ADAM32: variants seen among roughly 807,000 people sequenced by gnomAD.
ADAM32 encodes the protein disintegrin and metalloproteinase domain-containing protein 32.
In ADAM32, 89 loss-of-function variants were observed where a neutral mutation model predicts 114.9. The observed-to-expected ratio is 0.77, with a 90% CI of 0.65 to 0.92. The LOEUF (loss-of-function observed/expected upper bound fraction) is 0.92, where lower values mean the gene tolerates loss of function less well. Among genes scored for constraint, ADAM32 ranks in the 40% least tolerant of loss-of-function variants. The pLI is 0.00. For missense variants in ADAM32, 870 were observed against 932.8 expected (o/e 0.93, Z 0.88); for synonymous variants, 285 against 307.5 (o/e 0.93, Z 0.77).
chr8:39,260,700 G>T (rs914750523), intron 19 of ADAM32, among the ~76,000 whole-genome samples: 1 of 151,910 alleles, frequency 6.6e-6, no homozygotes, highest in Non-Finnish European at 1.5e-5. Context: ...AAGGATATTG[G>T]CCTATTATTT....
chr8:39,186,423 T>C (rs949659816), intron 10 of ADAM32, among the ~76,000 whole-genome samples: 8 of 152,220 alleles, frequency 5.3e-5, no homozygotes, highest in African/African-American at 1.9e-4. Context: ...CTGTGGCTTC[T>C]TTTCATACCA....
At chr8:39,109,811 A>G (rs1194433000) in intron 1 of ADAM32, among the ~76,000 whole-genome samples, 2 of 152,202 alleles carry the variant, frequency 1.3e-5, no homozygotes, top group Non-Finnish European at 2.9e-5. Flanking sequence ...TGACAAATGT[A>G]CAATGACATG....
Position 39,147,154 on chromosome 8 carries a change from G to T in ADAM32, c.225G>T (p.Met75Ile). The T allele has an allele frequency of 3.1e-6, 3 of 977,456 alleles. No homozygotes were observed. The highest frequency in any genetic ancestry group is 3.5e-5 in the East Asian group (1 of 28,496). The allele number at this position is 977,456 out of a possible 1,614,324, so 60.5% of individuals were successfully genotyped here. Reference sequence around the variant, plus strand: ...GATATTTTTTAGCAGATAATTTTATGATCTATTTGTACAATCAAGGATCTA... The same window carrying T: ...GATATTTTTTAGCAGATAATTTTATTATCTATTTGTACAATCAAGGATCTA... ...KQRYFLADNFMIYLYNQGSMN... is the reference protein window; with the variant it reads ...KQRYFLADNFIIYLYNQGSMN... Residue 75 changes from methionine to isoleucine, a missense_variant, in exon 4 of 25, where the codon ATG becomes ATT. Coordinates refer to ENST00000379907, the MANE Select transcript of ADAM32 (RefSeq NM_145004.7).
At chr8:39,239,543 C>G (rs1329724395) in intron 16 of ADAM32, among the ~76,000 whole-genome samples, 2 of 152,096 alleles carry the variant, frequency 1.3e-5, no homozygotes, top group Admixed American at 6.5e-5. Context: ...CAGGAAACAA[C>G]CAGCATGATA....
At chr8:39,114,670 C>G (rs1564423928) in intron 1 of ADAM32, among the ~76,000 whole-genome samples, 1 of 152,164 alleles carries the variant, frequency 6.6e-6, no homozygotes, top group Non-Finnish European at 1.5e-5. Flanking sequence ...CCAGTCAAAG[C>G]AAGGAATCAT....
intron 20 of ADAM32, among the ~76,000 whole-genome samples, chr8:39,272,386 C>T (rs1469484723): frequency 6.6e-6 from 1 of 151,902 alleles, no homozygotes; most frequent in African/African-American, 2.4e-5. Flanking sequence ...AGAAATGCAC[C>T]GTTAGGTGAT....
At chr8:39,178,035 TG>T (rs1456883446) in intron 10 of ADAM32, among the ~76,000 whole-genome samples, 1 of 152,138 alleles carries the variant, frequency 6.6e-6, no homozygotes, top group East Asian at 1.9e-4. Context: ...TGGGGTTCTC[TG>T]GGTTTCCTGA....
chr8:39,161,927 G>C (rs1651537802), intron 7 of ADAM32, among the ~76,000 whole-genome samples: 1 of 151,146 alleles, frequency 6.6e-6, no homozygotes, highest in East Asian at 1.9e-4. Context: ...TTTTGTTTTT[G>C]GATTATGTTA....
At chr8:39,187,086 T>C in intron 11 of ADAM32, 41 bp downstream of exon 11, 13 of 1,537,238 alleles carry the variant, frequency 8.5e-6, no homozygotes, top group Non-Finnish European at 1.1e-5. Context: ...GTTTATTTCA[T>C]TTTAAATATT....
At position 39,165,167 on chromosome 8, in the gene ADAM32, A is replaced by G; in HGVS notation, c.804A>G (p.Leu268=). The change falls in exon 9 of 25, where the codon CTA becomes CTG. Residue 268 remains leucine (L), a synonymous_variant. Coordinates refer to ENST00000379907, the MANE Select transcript of ADAM32 (RefSeq NM_145004.7). ...AATGGAAACAATCTTATCTTAACCT[A>G]AGGCCTCATGATATTGCATATCTAC... The part of the protein sequence containing the change: ...FLEWKQSYLN[L]RPHDIAYLLI... 1.3e-6 allele frequency: 2 copies of G among 1,584,984 alleles called. No homozygotes were observed. The highest frequency in any genetic ancestry group is 1.7e-6 in the Non-Finnish European group (2 of 1,160,520).
chr8:39,283,555 G>A (rs760121421), intron 23 of ADAM32, 31 bp from the exon 24 acceptor site: 1 of 1,548,518 alleles, frequency 6.5e-7, no homozygotes, highest in East Asian at 2.3e-5. Flanking sequence ...TATTATATCA[G>A]CCTAAAAATG....
At chr8:39,129,955 C>CTT (rs71552835) in intron 2 of ADAM32, 1,000 of 243,916 alleles carry the variant, frequency 4.1e-3, no homozygotes, top group South Asian at 7.3e-3. Flanking sequence ...ATCACATTTC[C>CTT]TTTTTTTTTT....
At chr8:39,261,273 G>A (rs1812010001) in intron 19 of ADAM32, among the ~76,000 whole-genome samples, 1 of 152,002 alleles carries the variant, frequency 6.6e-6, no homozygotes, top group Admixed American at 6.6e-5. Flanking sequence ...TTACTTCTGA[G>A]ATCAACTTTT....
At chr8:39,249,144 T>G (rs888973119) in intron 17 of ADAM32, among the ~76,000 whole-genome samples, 4 of 152,116 alleles carry the variant, frequency 2.6e-5, no homozygotes, top group Non-Finnish European at 4.4e-5. Context: ...GACCTCATGA[T>G]CTGCCCGTCT....
At chr8:39,275,682 G>T in intron 21 of ADAM32, 146 bp from the exon 22 acceptor site, 1 of 693,432 alleles carries the variant, frequency 1.4e-6, no homozygotes, top group Non-Finnish European at 2.3e-6. Context: ...TGCTAATTTA[G>T]TAGTCTTTTG....
intron 21 of ADAM32, among the ~76,000 whole-genome samples, chr8:39,275,395 C>G (rs1317406039): frequency 3.3e-5 from 5 of 152,172 alleles, no homozygotes; most frequent in African/African-American, 9.7e-5. Flanking sequence ...CACTATTTCT[C>G]TGTGTGTGGT....
At chr8:39,160,868 G>T (rs1804464490) in intron 6 of ADAM32, 29 bp from the exon 7 acceptor site, 10 of 1,526,568 alleles carry the variant, frequency 6.6e-6, no homozygotes, top group African/African-American at 1.4e-5. Flanking sequence ...AATTTTTCAT[G>T]TATTATATGC....
At chr8:39,265,461 G>A (rs921902600) in intron 19 of ADAM32, among the ~76,000 whole-genome samples, 2 of 152,170 alleles carry the variant, frequency 1.3e-5, no homozygotes, top group African/African-American at 4.8e-5. Flanking sequence ...TTGCCACTCT[G>A]TGTCTTTAAG....
chr8:39,216,731 A>C (rs1808594275), intron 12 of ADAM32, among the ~76,000 whole-genome samples: 1 of 152,070 alleles, frequency 6.6e-6, no homozygotes, highest in Admixed American at 6.6e-5. Context: ...AAGGCTAATA[A>C]AAACTCTGAT....
Sources: allele counts gnomAD v4.1 joint callset (sites outside exome capture counted in the v4.1 genomes callset), GRCh38; gene constraint gnomAD v4.1.1; transcripts MANE v1.5; gene names NCBI Gene and HGNC (gene_info 2026-07-23, HGNC 2026-07-21).